The following CHSY3 variants were observed in gnomAD, a reference collection of about 807,000 sequenced individuals.
The protein encoded by CHSY3 is N-acetylgalactosaminyl-proteoglycan 3-beta-glucuronosyltransferase 3.
CHSY3 carries 35 observed loss-of-function variants against 67.2 expected under a neutral mutation model. The ratio of observed to expected loss-of-function variants is 0.52; its 90% CI spans 0.40 to 0.69. The LOEUF is 0.69. Ranked by LOEUF, CHSY3 falls within the 30% of genes least tolerant of loss-of-function variation. CHSY3 has a pLI of 0.00. For synonymous variants in CHSY3, 474 were observed against 434.7 expected (o/e 1.09, Z -1.12); for missense variants, 1,069 against 1,138.5 (o/e 0.94, Z 0.88).
chr5:130,017,180 G>GT lies in CHSY3; in HGVS notation c.1086+108830dup, dbSNP rs756102219. ...GACGAAGAGGATACTGCCGGCAGTT[G>GT]TTTTTTTTTTCCATTTGTTTGCATA... On this transcript the variant is annotated intron_variant, in intron 2 of 2. Coordinates refer to ENST00000305031, the MANE Select transcript of CHSY3 (RefSeq NM_175856.5). Among the ~76,000 whole-genome samples, 927 of 149,594 alleles carry GT rather than the reference G, an allele frequency of 6.2e-3. 3 individuals are homozygous for GT. Among genetic ancestry groups the GT allele is most frequent in the African/African-American group, 9.5e-3 (386 of 40,838 alleles).
intron 2 of CHSY3, among the ~76,000 whole-genome samples, chr5:130,039,835 C>G (rs1341056245): frequency 6.6e-6 from 1 of 151,874 alleles, no homozygotes; most frequent in Non-Finnish European, 1.5e-5. Context: ...TGAAAACTTC[C>G]CCCTAAATAG....
At chr5:129,978,310 T>TA (rs1325685767) in intron 2 of CHSY3, among the ~76,000 whole-genome samples, 2 of 152,228 alleles carry the variant, frequency 1.3e-5, no homozygotes, top group Non-Finnish European at 2.9e-5. Context: ...ATGATTCACT[T>TA]TAGTCATATC....
At position 130,179,306 on chromosome 5, in the gene CHSY3, G is replaced by C. The variant is rs376902336; in HGVS notation, c.1087-4923G>C. ...TATTTCAATAACAGTTTCTTAAATT[G>C]TATCTTTATGTCTTCTGTTTTATTT... On this transcript the variant is annotated intron_variant, in intron 2 of 2. Coordinates refer to ENST00000305031, the MANE Select transcript of CHSY3 (RefSeq NM_175856.5). 2.1e-3 allele frequency among the ~76,000 whole-genome samples: 324 copies of C among 152,046 alleles called. 6 individuals are homozygous for C. In the South Asian group the frequency reaches 0.036, roughly 17 times the overall value.
intron 2 of CHSY3, among the ~76,000 whole-genome samples, chr5:129,926,226 A>C (rs1454410649): frequency 6.6e-6 from 1 of 152,046 alleles, no homozygotes; most frequent in East Asian, 1.9e-4. Flanking sequence ...AATTCAGTTT[A>C]GATGGCCAAC....
chr5:129,913,186 G>A (rs1365101436), intron 2 of CHSY3, among the ~76,000 whole-genome samples: 1 of 152,164 alleles, frequency 6.6e-6, no homozygotes, highest in Non-Finnish European at 1.5e-5. Flanking sequence ...AGCAGAGGCA[G>A]GCAATCTACA....
intron 2 of CHSY3, among the ~76,000 whole-genome samples, chr5:130,090,885 T>G (rs1361857571): frequency 6.6e-6 from 1 of 152,146 alleles, no homozygotes; most frequent in Non-Finnish European, 1.5e-5. Context: ...AGGGGGAACT[T>G]TGCCTTTGCC....
intron 2 of CHSY3, among the ~76,000 whole-genome samples, chr5:130,123,635 C>T (rs1209302347): frequency 6.6e-6 from 1 of 152,198 alleles, no homozygotes; most frequent in African/African-American, 2.4e-5. Context: ...CTGTGTTAGA[C>T]CACATCAGCT....
chr5:129,969,572 C>CT (rs1279436445), intron 2 of CHSY3, among the ~76,000 whole-genome samples: 3 of 151,772 alleles, frequency 2.0e-5, no homozygotes, highest in Non-Finnish European at 4.4e-5. Flanking sequence ...TAAAAAGAAA[C>CT]TCTTTTCATG....
chr5:129,915,442 C>T (rs896283335), intron 2 of CHSY3, among the ~76,000 whole-genome samples: 6 of 152,066 alleles, frequency 3.9e-5, no homozygotes, highest in African/African-American at 9.7e-5. Flanking sequence ...GTGTATAACA[C>T]GTTTCTAAAT....
At chr5:130,032,023 G>A (rs926590804) in intron 2 of CHSY3, among the ~76,000 whole-genome samples, 2 of 152,212 alleles carry the variant, frequency 1.3e-5, no homozygotes, top group Middle Eastern at 3.4e-3. Context: ...GGCATTCGAT[G>A]ATGAATTCAG....
chr5:130,185,957 A>C lies in CHSY3; in HGVS notation c.*166A>C. On this transcript the variant is annotated 3_prime_UTR_variant, in exon 3 of 3. Transcript: ENST00000305031. ...GTTGTCTTCCTAAGGGTGTTTGTTG[A>C]CCTCAAGCAAGAAGAGTCTGCAGTT... 2.7e-6 allele frequency: 1 copy of C among 374,322 alleles called. No homozygotes were observed. Among genetic ancestry groups the C allele is most frequent in the Non-Finnish European group, 4.6e-6 (1 of 218,610 alleles). 23.2% of individuals were successfully genotyped at this position (374,322 alleles called of 1,614,324 possible).
At chr5:129,954,261 G>T (rs1023168925) in intron 2 of CHSY3, among the ~76,000 whole-genome samples, 9 of 152,000 alleles carry the variant, frequency 5.9e-5, no homozygotes, top group Non-Finnish European at 1.2e-4. Context: ...TCTTGTTTTT[G>T]TCAGGTTTGT....
At position 130,186,611 on chromosome 5, in the gene CHSY3, A is replaced by G. The variant is rs1309061008; in HGVS notation, c.*820A>G. On this transcript the variant is annotated 3_prime_UTR_variant, in exon 3 of 3. Coordinates refer to ENST00000305031, the MANE Select transcript of CHSY3 (RefSeq NM_175856.5). ...ATTTAAAATAAAACACAGGTATAGC[A>G]GTATTCTTTTTCAAAAACACTGACA... is the stretch of plus-strand genomic sequence containing the variant. 6.5e-6 allele frequency: 1 copy of G among 152,912 alleles called. No homozygotes were observed. The highest frequency in any genetic ancestry group is 1.9e-4 in the East Asian group (1 of 5,328). 9.5% of individuals were successfully genotyped at this position (152,912 alleles called of 1,614,324 possible).
At chr5:129,940,034 G>A (rs142805775) in intron 2 of CHSY3, among the ~76,000 whole-genome samples, 44 of 152,020 alleles carry the variant, frequency 2.9e-4, no homozygotes, top group East Asian at 2.5e-3. Flanking sequence ...TTATAACACC[G>A]TTGAAAAAAT....
intron 2 of CHSY3, among the ~76,000 whole-genome samples, chr5:130,074,821 T>C (rs572546645): frequency 6.6e-6 from 1 of 152,296 alleles, no homozygotes; most frequent in South Asian, 2.1e-4. Flanking sequence ...GCTTTTATAC[T>C]CAATAAAGAG....
chr5:129,977,969 G>T lies in CHSY3; in HGVS notation c.1086+69609G>T, dbSNP rs572631954. On this transcript the variant is annotated intron_variant, in intron 2 of 2. Coordinates refer to ENST00000305031, the MANE Select transcript of CHSY3 (RefSeq NM_175856.5). ...AGATTTTAACAAAGCAGAACTGAAA[G>T]AAATCAATCTGAAACTTTCACCAGA... is the stretch of plus-strand genomic sequence containing the variant. Among the ~76,000 whole-genome samples, 84 of 151,728 alleles carry T rather than the reference G, an allele frequency of 5.5e-4. 1 individual carries two copies. Among genetic ancestry groups the T allele is most frequent in the African/African-American group, 2.0e-3 (83 of 41,402 alleles).
At chr5:130,124,657 A>G (rs954628393) in intron 2 of CHSY3, among the ~76,000 whole-genome samples, 8 of 151,994 alleles carry the variant, frequency 5.3e-5, no homozygotes, top group African/African-American at 1.9e-4. Flanking sequence ...GTGTTTCGCC[A>G]TGTTGCCCAA....
intron 2 of CHSY3, among the ~76,000 whole-genome samples, chr5:130,171,568 G>A (rs929377894): frequency 6.6e-6 from 1 of 152,074 alleles, no homozygotes; most frequent in South Asian, 2.1e-4. Flanking sequence ...TTTCCATGTT[G>A]TCTGAAAGTG....
chr5:129,925,224 A>T (rs972175922), intron 2 of CHSY3, among the ~76,000 whole-genome samples: 12 of 152,278 alleles, frequency 7.9e-5, no homozygotes, highest in Admixed American at 2.6e-4. Flanking sequence ...GAATATCTAG[A>T]CTAAGGCCTT....
Sources: gnomAD v4.1 joint callset for allele counts (sites outside exome capture counted in the v4.1 genomes callset) on GRCh38, gnomAD v4.1.1 for gene constraint, MANE v1.5 for transcripts, NCBI Gene and HGNC (gene_info 2026-07-23, HGNC 2026-07-21) for gene names.